COL28A1: variants seen among roughly 807,000 people sequenced by gnomAD.
COL28A1 encodes the protein collagen type XXVIII alpha 1 chain.
COL28A1 carries 161 observed loss-of-function variants against 150.2 expected under a neutral mutation model. The observed-to-expected ratio is 1.07, with a 90% CI of 0.94 to 1.22. The LOEUF (loss-of-function observed/expected upper bound fraction) is 1.22. Among genes scored for constraint, COL28A1 ranks in the 50% most tolerant of loss-of-function variants. COL28A1 has a pLI of 0.00. For missense variants in COL28A1, 1,617 were observed against 1,388.3 expected (o/e 1.16, Z -2.62); for synonymous variants, 552 against 469.7 (o/e 1.18, Z -2.26).
intron 20 of COL28A1, among the ~76,000 whole-genome samples, chr7:7,441,147 C>T (rs774582799): frequency 1.4e-4 from 21 of 152,294 alleles, no homozygotes; most frequent in Admixed American, 2.6e-4. Flanking sequence ...TTCATTTTCA[C>T]CCTTGGTCTA....
In COL28A1 at chr7:7,375,405, A is replaced by C. The variant is rs987572779; in HGVS notation, c.2359+56T>G. 47 of 1,479,096 alleles carry C rather than the reference A, an allele frequency of 3.2e-5. No individual in the cohort carries two copies. In the South Asian group the frequency reaches 4.4e-4, roughly 14 times the overall value. The allele number at this position is 1,479,096 out of a possible 1,614,324, so 91.6% of individuals were successfully genotyped here. A position where few individuals can be genotyped will look rare whatever the true frequency, so the allele number is the denominator to read the frequency against. On this transcript the variant is annotated intron_variant, in intron 31 of 34. Transcript: ENST00000399429. ...GACGAACACATTCTGTCACCAGCAC[A>C]GTACATAGTGGGGCTGATGCTTTAA...
Sources: gnomAD v4.1 joint callset for allele counts (sites outside exome capture counted in the v4.1 genomes callset) on GRCh38, gnomAD v4.1.1 for gene constraint, MANE v1.5 for transcripts, NCBI Gene and HGNC (gene_info 2026-07-23, HGNC 2026-07-21) for gene names.